Variants in CYB561 observed in about 807,000 individuals in gnomAD.
CYB561 encodes the protein cytochrome b561.
Under a neutral mutation model 25.3 loss-of-function variants are expected in CYB561, and 11 were observed. The observed-to-expected ratio is 0.44, with a 90% confidence interval of 0.27 to 0.72. CYB561 has a LOEUF of 0.72. CYB561 is among the 30% of genes least tolerant of loss of function. The pLI, the probability that CYB561 is intolerant of heterozygous loss-of-function variation, is 0.18. For synonymous variants in CYB561, 165 were observed against 158.8 expected (o/e 1.04, Z -0.29); for missense variants, 295 against 334.9 (o/e 0.88, Z 0.93).
At position 63,434,507 on chromosome 17, in the gene CYB561, G is replaced by A. The variant is rs997295462; in HGVS notation, c.651C>T (p.Tyr217=). 2.5e-6 allele frequency: 4 copies of A among 1,613,422 alleles called. No individual in the cohort carries two copies. The African/African-American group carries it at 4.0e-5, about 16-fold the overall frequency. The change falls in exon 6 of 6, where the codon TAC becomes TAT. Residue 217 remains tyrosine, a synonymous_variant. Transcript: ENST00000360793. ...GCTTCCAGTCGGCCCGGGTCAAGAT[G>A]TAGAGCACCGCCCCACCGAAGCAGG... is the stretch of plus-strand genomic sequence containing the variant. ...LLACFGGAVL[Y]ILTRADWKRP...
At chr17:63,446,519 C>A (rs1039130440), upstream of CYB561, 1 of 152,162 alleles carries the variant, frequency 6.6e-6, no homozygotes, top group South Asian at 2.1e-4. Context: ...GACCTCCCTC[C>A]GGGGCCCCCA....
chr17:63,435,447 C>T, intron 4 of CYB561: 1 of 679,814 alleles, frequency 1.5e-6, no homozygotes, highest in African/African-American at 1.8e-5. Flanking sequence ...GAGGCCTTGG[C>T]ACACTCAGAA....
intron 1 of CYB561, 36 bp from the exon 2 acceptor site, chr17:63,437,596 C>T: frequency 6.4e-7 from 1 of 1,554,736 alleles, no homozygotes; most frequent in Non-Finnish European, 8.7e-7. Flanking sequence ...GAGCAGCGCA[C>T]AGCACCCCGA....
upstream of CYB561, chr17:63,446,382 G>C (rs1457240834): frequency 6.6e-6 from 1 of 151,934 alleles, no homozygotes; most frequent in Non-Finnish European, 1.5e-5. Flanking sequence ...CGGAAGTGGC[G>C]TACGCGGCCC....
Position 63,433,804 on chromosome 17 carries a change from A to C in CYB561, c.*598T>G, listed in dbSNP as rs979920642. ...TAGGGCTAAAGGGTTAAAGAAGAGGAAGGTCAGGACTACAGCTGGGCCACA... is the reference window on the plus strand; with the variant it reads ...TAGGGCTAAAGGGTTAAAGAAGAGGCAGGTCAGGACTACAGCTGGGCCACA... On this transcript the variant is annotated 3_prime_UTR_variant, in exon 6 of 6. Coordinates refer to ENST00000360793, the MANE Select transcript of CYB561 (RefSeq NM_001915.4). 1.1e-5 allele frequency: 2 copies of C among 181,200 alleles called. No individual in the cohort carries two copies. Among genetic ancestry groups the C allele is most frequent in the African/African-American group, 4.7e-5 (2 of 42,632 alleles). The allele number at this position is 181,200 out of a possible 1,614,324, so 11.2% of individuals were successfully genotyped here.
chr17:63,438,471 C>A (rs904900223), intron 1 of CYB561, among the ~76,000 whole-genome samples: 4 of 151,252 alleles, frequency 2.6e-5, no homozygotes, highest in Admixed American at 1.3e-4. Context: ...GCCCGCCCCC[C>A]ACCCCGCTCC....
intron 1 of CYB561, chr17:63,437,944 GATGCGGCGCGGCTCCTCCC>G (rs2147494888): frequency 2.4e-6 from 2 of 816,742 alleles, no homozygotes; most frequent in Non-Finnish European, 3.6e-6. Flanking sequence ...CTGCGCCTGA[GATGCGGCGCGGCTCCTCCC>G]ACGGCGGCCC....
intron 1 of CYB561, among the ~76,000 whole-genome samples, chr17:63,438,562 T>G (rs1005816926): frequency 6.6e-6 from 1 of 150,880 alleles, no homozygotes; most frequent in African/African-American, 2.4e-5. Flanking sequence ...GACAGGGCAC[T>G]TCCCCTCCAC....
chr17:63,432,560 C>T lies in CYB561; in HGVS notation c.*1842G>A, dbSNP rs1365235970. On this transcript the variant is annotated 3_prime_UTR_variant, in exon 6 of 6. Coordinates refer to ENST00000360793, the MANE Select transcript of CYB561 (RefSeq NM_001915.4). Reference sequence around the variant, plus strand: ...TTGTACTTTGGTAGTTTGTCTAAGGCGGAGTTTTCCCACATGTAAACATTT... The same window carrying T: ...TTGTACTTTGGTAGTTTGTCTAAGGTGGAGTTTTCCCACATGTAAACATTT... 2 of 152,184 alleles carry T rather than the reference C, an allele frequency of 1.3e-5. No homozygotes were observed. Among genetic ancestry groups the T allele is most frequent in the African/African-American group, 2.4e-5 (1 of 41,436 alleles). 9.4% of individuals were successfully genotyped at this position (152,184 alleles called of 1,614,324 possible).
At chr17:63,435,908 C>A in intron 3 of CYB561, 117 bp from the exon 4 acceptor site, 1 of 1,583,676 alleles carries the variant, frequency 6.3e-7, no homozygotes, top group South Asian at 1.1e-5. Context: ...TCGAGGGCTG[C>A]CAGCACCTAG....
intron 1 of CYB561, among the ~76,000 whole-genome samples, chr17:63,441,187 A>T (rs573741987): frequency 9.2e-5 from 14 of 152,290 alleles, no homozygotes; most frequent in African/African-American, 3.4e-4. Context: ...CCTCCCGGGG[A>T]GTCGGAACCA....
At chr17:63,443,235 C>T (rs983972249) in intron 1 of CYB561, among the ~76,000 whole-genome samples, 6 of 152,196 alleles carry the variant, frequency 3.9e-5, no homozygotes, top group African/African-American at 1.4e-4. Context: ...CCATGCCAGT[C>T]CTCCTGCATC....
At chr17:63,438,041 C>T (rs764224788) in intron 1 of CYB561, 1 of 1,527,604 alleles carries the variant, frequency 6.5e-7, no homozygotes, top group South Asian at 1.2e-5. Flanking sequence ...CCCTTCCCAC[C>T]CATCGTCCTG....
intron 1 of CYB561, among the ~76,000 whole-genome samples, chr17:63,442,173 G>A (rs78633368): frequency 0.063 from 9,580 of 152,286 alleles, 426 homozygotes; most frequent in Non-Finnish European, 0.091. Context: ...ACCACAGTCC[G>A]TAGGTTCTGA....
chr17:63,439,240 G>C (rs1481598265), intron 1 of CYB561: 2 of 152,314 alleles, frequency 1.3e-5, no homozygotes, highest in Non-Finnish European at 2.9e-5. Context: ...CATTAAAGGG[G>C]GGGTGTGTGT....
intron 1 of CYB561, chr17:63,438,149 T>A: frequency 6.5e-7 from 1 of 1,535,408 alleles, no homozygotes; most frequent in Non-Finnish European, 8.7e-7. Context: ...GAGTTCCATA[T>A]GCGGTGAGGG....
intron 1 of CYB561, among the ~76,000 whole-genome samples, chr17:63,443,301 G>T (rs892232145): frequency 3.9e-5 from 6 of 152,160 alleles, no homozygotes; most frequent in African/African-American, 1.4e-4. Context: ...GAGACACCAG[G>T]CCCTGACCAA....
chr17:63,434,384 CA>C lies in CYB561; in HGVS notation c.*17del. The stretch of plus-strand genomic sequence containing the variant: ...GGCAAGAAGACACCCCGCGAACCCC[CA>C]GGGCCGGCCGGGCGCATCACTGGGA... On this transcript the variant is annotated 3_prime_UTR_variant, in exon 6 of 6. Coordinates refer to ENST00000360793, the MANE Select transcript of CYB561 (RefSeq NM_001915.4). 2.6e-6 allele frequency: 4 copies of C among 1,535,790 alleles called. No individual in the cohort carries two copies. Among genetic ancestry groups the C allele is most frequent in the Non-Finnish European group, 3.5e-6 (4 of 1,136,218 alleles).
chr17:63,437,489 G>A lies in CYB561; in HGVS notation c.59C>T (p.Ser20Phe). ...PTALPYYVAF[S>F]QLLGLTLVAM... Reference sequence around the variant, plus strand: ...CACCAAGGTCAGGCCCAGCAGCTGGGAGAAGGCCACGTAGTAAGGCAGTGC... The same window carrying A: ...CACCAAGGTCAGGCCCAGCAGCTGGAAGAAGGCCACGTAGTAAGGCAGTGC... The change falls in exon 2 of 6, where the codon TCC becomes TTC. Residue 20 changes from serine (S) to phenylalanine (F), a missense_variant. Transcript: ENST00000360793. 1 of 1,613,772 alleles carries A rather than the reference G, an allele frequency of 6.2e-7. No homozygotes were observed. Among genetic ancestry groups the A allele is most frequent in the Non-Finnish European group, 8.5e-7 (1 of 1,179,970 alleles).
Sources: allele counts gnomAD v4.1 joint callset (sites outside exome capture counted in the v4.1 genomes callset), GRCh38; gene constraint gnomAD v4.1.1; transcripts MANE v1.5; gene names NCBI Gene and HGNC (gene_info 2026-07-23, HGNC 2026-07-21).